Variants in PRKN observed in about 807,000 individuals in gnomAD.
The protein encoded by PRKN is parkin RBR E3 ubiquitin protein ligase.
PRKN carries 56 observed loss-of-function variants against 59.5 expected under a neutral mutation model. That is an observed-to-expected ratio of 0.94 (90% CI 0.76 to 1.18). PRKN has a LOEUF of 1.18. Among genes scored for constraint, PRKN ranks in the 50% most tolerant of loss-of-function variants. PRKN has a pLI of 0.00. For synonymous variants in PRKN, 250 were observed against 222.1 expected (o/e 1.13, Z -1.12); for missense variants, 657 against 596.4 (o/e 1.10, Z -1.06).
At chr6:161,767,291 A>T (rs1206106214) in intron 7 of PRKN, among the ~76,000 whole-genome samples, 1 of 152,178 alleles carries the variant, frequency 6.6e-6, no homozygotes, top group Non-Finnish European at 1.5e-5. Flanking sequence ...AGGCGGGCGG[A>T]TCACTAGGTC....
chr6:162,379,464 T>C (rs1786308993), intron 2 of PRKN, among the ~76,000 whole-genome samples: 1 of 152,204 alleles, frequency 6.6e-6, no homozygotes, highest in East Asian at 1.9e-4. Flanking sequence ...CTTCTTTCTC[T>C]ACCCCTCAAG....
Position 161,468,113 on chromosome 6 carries a change from T to C in PRKN, c.1083+80741A>G, listed in dbSNP as rs1436668296. Among the ~76,000 whole-genome samples, 2 of 151,984 alleles carry C rather than the reference T, an allele frequency of 1.3e-5. No homozygotes were observed. The highest frequency in any genetic ancestry group is 2.4e-5 in the African/African-American group (1 of 41,386). The stretch of plus-strand genomic sequence containing the variant: ...TCAGCCTCCTGAGTAGCTGGGATTA[T>C]AGGCACGCACCACCACACCTAGCTA... On this transcript the variant is annotated intron_variant, in intron 9 of 11. Transcript: ENST00000366898. The surrounding 1 kb of genome is among the most constrained non-coding windows in gnomAD (Gnocchi z 5.9).
intron 1 of PRKN, among the ~76,000 whole-genome samples, chr6:162,478,071 G>A (rs1792115407): frequency 6.6e-6 from 1 of 152,140 alleles, no homozygotes; most frequent in Non-Finnish European, 1.5e-5. Flanking sequence ...TATCCACGGT[G>A]AGATCTTCTT....
intron 3 of PRKN, among the ~76,000 whole-genome samples, chr6:162,216,727 C>T (rs1777688861): frequency 6.6e-6 from 1 of 152,008 alleles, no homozygotes; most frequent in Non-Finnish European, 1.5e-5. Context: ...AGCCAGGACA[C>T]TTTGATGAAC....
At chr6:162,044,262 C>T (rs750996296) in intron 5 of PRKN, among the ~76,000 whole-genome samples, 8 of 152,208 alleles carry the variant, frequency 5.3e-5, no homozygotes, top group Non-Finnish European at 8.8e-5. Context: ...GCTGAGATTA[C>T]GCCTATTACG....
chr6:162,034,219 A>AGAGAGT (rs1554263142), intron 5 of PRKN, among the ~76,000 whole-genome samples: 6 of 144,598 alleles, frequency 4.1e-5, no homozygotes, highest in African/African-American at 1.3e-4. Flanking sequence ...AGAGAGAGAG[A>AGAGAGT]GTGTCTACTA....
chr6:161,487,012 C>T lies in PRKN; in HGVS notation c.1083+61842G>A, dbSNP rs1791681347. ...GTAAGAGTTTAGGGGAGGTGTAGCT[C>T]GTCTTCATGGAGGTTAGGGGCAAGT... On this transcript the variant is annotated intron_variant, in intron 9 of 11. Coordinates refer to ENST00000366898, the MANE Select transcript of PRKN (RefSeq NM_004562.3). This position sits in a 1 kb window ranked among gnomAD's most constrained non-coding sequence, Gnocchi z 5.3. 6.6e-6 allele frequency among the ~76,000 whole-genome samples: 1 copy of T among 152,022 alleles called. No individual in the cohort carries two copies. The highest frequency in any genetic ancestry group is 2.1e-4 in the South Asian group (1 of 4,828).
chr6:162,617,220 T>C (rs1200739622), intron 1 of PRKN, among the ~76,000 whole-genome samples: 1 of 152,260 alleles, frequency 6.6e-6, no homozygotes, highest in East Asian at 1.9e-4. Flanking sequence ...TTTAGAAATA[T>C]ATAATACATT....
chr6:161,839,205 T>C (rs1792883569), intron 6 of PRKN, among the ~76,000 whole-genome samples: 1 of 151,866 alleles, frequency 6.6e-6, no homozygotes, highest in South Asian at 2.1e-4. Flanking sequence ...AAGATTGTAC[T>C]GGGAAGAGAT....
intron 10 of PRKN, among the ~76,000 whole-genome samples, chr6:161,365,558 C>T: frequency 6.6e-6 from 1 of 152,248 alleles, no homozygotes; most frequent in Admixed American, 6.5e-5. Context: ...TGGAAAATTG[C>T]AAATTTATAT....
intron 9 of PRKN, among the ~76,000 whole-genome samples, chr6:161,474,388 G>C (rs548131024): frequency 2.6e-5 from 4 of 152,160 alleles, no homozygotes; most frequent in Admixed American, 6.5e-5. Context: ...AGTCCGTGGA[G>C]CTTGTGAACT....
At chr6:162,650,612 A>AG (rs1204934136) in intron 1 of PRKN, among the ~76,000 whole-genome samples, 5 of 151,390 alleles carry the variant, frequency 3.3e-5, no homozygotes, top group East Asian at 3.9e-4. Context: ...AAAAAAAAAA[A>AG]AAAGAAAACT....
intron 10 of PRKN, among the ~76,000 whole-genome samples, chr6:161,384,094 C>T (rs1472041940): frequency 1.3e-5 from 2 of 152,166 alleles, no homozygotes; most frequent in Non-Finnish European, 2.9e-5. Context: ...ATTAACTATA[C>T]CTCCTCAGAA....
At chr6:162,581,642 T>C (rs924741857) in intron 1 of PRKN, among the ~76,000 whole-genome samples, 2 of 152,138 alleles carry the variant, frequency 1.3e-5, no homozygotes, top group Non-Finnish European at 2.9e-5. Flanking sequence ...GCGACTGTAA[T>C]CCCAGCTACT....
chr6:162,155,776 T>G (rs1782485057), intron 4 of PRKN, among the ~76,000 whole-genome samples: 1 of 146,728 alleles, frequency 6.8e-6, no homozygotes, highest in South Asian at 2.2e-4. Context: ...TGACACTGGC[T>G]CAGTGCTCAG....
In PRKN at chr6:161,369,776, T is replaced by G. The variant is rs1219537626; in HGVS notation, c.1168-9571A>C. On this transcript the variant is annotated intron_variant, in intron 10 of 11. Coordinates refer to ENST00000366898, the MANE Select transcript of PRKN (RefSeq NM_004562.3). This position sits in a 1 kb window ranked among gnomAD's most constrained non-coding sequence, Gnocchi z 5.8. ...TATATATGAAACATCTATAATATAC[T>G]TATATATAGATGTTTCATATATATA... 1.3e-5 allele frequency among the ~76,000 whole-genome samples: 2 copies of G among 151,030 alleles called. No homozygotes were observed. Among genetic ancestry groups the G allele is most frequent in the African/African-American group, 4.9e-5 (2 of 41,108 alleles).
chr6:161,814,122 G>A (rs958255387), intron 6 of PRKN, among the ~76,000 whole-genome samples: 3 of 152,186 alleles, frequency 2.0e-5, no homozygotes, highest in African/African-American at 7.2e-5. Context: ...CATCCAAGGA[G>A]CACAAACTGC....
chr6:161,596,815 TCTCTAC>T (rs1781931845), intron 7 of PRKN, among the ~76,000 whole-genome samples: 1 of 152,188 alleles, frequency 6.6e-6, no homozygotes, highest in Admixed American at 6.5e-5. Flanking sequence ...ACACAATAGT[TCTCTAC>T]CTCTTTCTTC....
Position 161,533,560 on chromosome 6 carries a change from A to T in PRKN, c.1083+15294T>A, listed in dbSNP as rs773594758. Among the ~76,000 whole-genome samples, 3 of 152,144 alleles carry T rather than the reference A, an allele frequency of 2.0e-5. No homozygotes were observed. Among genetic ancestry groups the T allele is most frequent in the Non-Finnish European group, 4.4e-5 (3 of 68,030 alleles). ...CCCACCAAGTGGAAAGCCCATTTGC[A>T]TAATAAGATTAGGGTGGGGCGACCA... On this transcript the variant is annotated intron_variant, in intron 9 of 11. Transcript: ENST00000366898. This position sits in a 1 kb window ranked among gnomAD's most constrained non-coding sequence, Gnocchi z 4.1.
Sources: allele counts gnomAD v4.1 joint callset (sites outside exome capture counted in the v4.1 genomes callset), GRCh38; gene constraint gnomAD v4.1.1; non-coding constraint Gnocchi (gnomAD v3.1); transcripts MANE v1.5; gene names NCBI Gene and HGNC (gene_info 2026-07-23, HGNC 2026-07-21).